Variants in LRRC69 observed in about 807,000 individuals in gnomAD.
LRRC69 encodes leucine-rich repeat-containing protein 69.
In LRRC69, 42 loss-of-function variants were observed where a neutral mutation model predicts 37.8. The observed-to-expected ratio is 1.11, with a 90% CI of 0.87 to 1.44. The LOEUF is 1.44. Ranked by LOEUF, LRRC69 falls within the 40% of genes most tolerant of loss-of-function variation. The probability of loss-of-function intolerance (pLI) is 0.00; values close to 1 mark genes in which losing one functional copy is unlikely to be tolerated. For synonymous variants in LRRC69, 141 were observed against 143.1 expected, an observed-to-expected ratio of 0.99 and a Z score of 0.11; for missense variants, 357 against 401.9, an observed-to-expected ratio of 0.89 and a Z score of 0.96.
In LRRC69 at chr8:91,157,113, C is replaced by T. The variant is rs774202379; in HGVS notation, c.651+21374C>T. Among the ~76,000 whole-genome samples, 88 of 150,722 alleles carry T rather than the reference C, an allele frequency of 5.8e-4. 1 individual carries two copies. Among genetic ancestry groups the T allele is most frequent in the Admixed American group, 8.0e-4 (12 of 15,052 alleles). On this transcript the variant is annotated intron_variant, in intron 5 of 7. Transcript: ENST00000448384. ...TGGTTCTTGGGGGTCTTCTGTGGTT[C>T]CATATAAATTTTAGAATTGCTTTCT...
chr8:91,143,914 G>A (rs1420200122), intron 5 of LRRC69, among the ~76,000 whole-genome samples: 1 of 151,966 alleles, frequency 6.6e-6, no homozygotes, highest in East Asian at 1.9e-4. Flanking sequence ...CCCATTGTGT[G>A]ACCTTGGAGA....
chr8:91,210,104 G>T (rs965742945), intron 7 of LRRC69, among the ~76,000 whole-genome samples: 2 of 152,124 alleles, frequency 1.3e-5, no homozygotes, highest in African/African-American at 4.8e-5. Flanking sequence ...GAGGCTAAAA[G>T]GTAAATTTCC....
chr8:91,214,375 A>T (rs566036597), intron 7 of LRRC69, among the ~76,000 whole-genome samples: 1 of 152,268 alleles, frequency 6.6e-6, no homozygotes, highest in South Asian at 2.1e-4. Flanking sequence ...ACTGGCATGG[A>T]AAAGAAATAT....
intron 7 of LRRC69, among the ~76,000 whole-genome samples, chr8:91,205,944 G>A (rs181507340): frequency 2.0e-5 from 3 of 152,254 alleles, no homozygotes; most frequent in Admixed American, 2.0e-4. Context: ...TCAAAGTTGA[G>A]TTGGTGTTTA....
chr8:91,157,455 A>T, intron 5 of LRRC69: 1 of 1,604,618 alleles, frequency 6.2e-7, no homozygotes, highest in South Asian at 1.1e-5. Flanking sequence ...GGCCAATGAA[A>T]ATATGCAAGA....
chr8:91,209,566 T>C (rs1278741364), intron 7 of LRRC69: 1 of 152,218 alleles, frequency 6.6e-6, no homozygotes, highest in Non-Finnish European at 1.5e-5. Context: ...AGAATATTCT[T>C]TGGACGTGAG....
At chr8:91,205,884 G>A (rs1326974011) in intron 7 of LRRC69, among the ~76,000 whole-genome samples, 1 of 152,152 alleles carries the variant, frequency 6.6e-6, no homozygotes, top group Non-Finnish European at 1.5e-5. Flanking sequence ...AGTGATTTAA[G>A]TTGTTCAGTT....
intron 5 of LRRC69, among the ~76,000 whole-genome samples, chr8:91,171,225 C>T (rs544498302): frequency 2.9e-4 from 44 of 151,978 alleles, no homozygotes; most frequent in African/African-American, 8.7e-4. Context: ...TTATTGTTTC[C>T]CTTCACCCAG....
intron 5 of LRRC69, among the ~76,000 whole-genome samples, chr8:91,176,006 T>C (rs1223065746): frequency 6.6e-6 from 1 of 151,282 alleles, no homozygotes; most frequent in African/African-American, 2.4e-5. Context: ...GTATCTCTAT[T>C]ACAGAATTTA....
intron 3 of LRRC69, 85 bp downstream of exon 3, chr8:91,127,245 C>A: frequency 1.0e-6 from 1 of 994,262 alleles, no homozygotes; most frequent in Non-Finnish European, 1.5e-6. Flanking sequence ...TTATGCCTAG[C>A]ATAAGTCCCT....
At chr8:91,166,306 T>G (rs1353293486) in intron 5 of LRRC69, among the ~76,000 whole-genome samples, 2 of 151,718 alleles carry the variant, frequency 1.3e-5, no homozygotes, top group Non-Finnish European at 1.5e-5. Flanking sequence ...TCATACACAC[T>G]ATTACAGTAG....
At chr8:91,121,780 A>T (rs1813626409) in intron 1 of LRRC69, among the ~76,000 whole-genome samples, 1 of 152,126 alleles carries the variant, frequency 6.6e-6, no homozygotes. Context: ...TTAATGAGTG[A>T]ATAAATGAAT....
intron 1 of LRRC69, among the ~76,000 whole-genome samples, chr8:91,117,078 G>C (rs990038372): frequency 1.3e-5 from 2 of 151,964 alleles, no homozygotes; most frequent in Non-Finnish European, 2.9e-5. Context: ...TTTAGTAAGA[G>C]CATAGACAGA....
intron 5 of LRRC69, among the ~76,000 whole-genome samples, chr8:91,177,135 A>G (rs1809246477): frequency 6.6e-6 from 1 of 152,196 alleles, no homozygotes; most frequent in Non-Finnish European, 1.5e-5. Context: ...TGATTAGCAC[A>G]TAAAGAATGT....
chr8:91,218,965 C>T lies in LRRC69; in HGVS notation c.1009C>T (p.Arg337Cys), dbSNP rs1428675676. Residue 337 changes from arginine (R) to cysteine (C), a missense_variant, in exon 8 of 8, where the codon CGT becomes TGT. Arg to Cys is a radical substitution (Grantham distance 180). Transcript: ENST00000448384. ...TTGTTCTTACAAATGTTTTACTCAA[C>T]GTGACCCTAACCTCTTTGGAATTGC... 18 of 1,550,806 alleles carry T rather than the reference C, an allele frequency of 1.2e-5. No individual in the cohort carries two copies. The highest frequency in any genetic ancestry group is 7.3e-5 in the East Asian group (3 of 40,904).
intron 5 of LRRC69, chr8:91,158,306 A>T: frequency 2.0e-6 from 3 of 1,488,416 alleles, no homozygotes; most frequent in Non-Finnish European, 2.8e-6. Context: ...CAATCCCAGA[A>T]AGAAACTGGA....
At chr8:91,171,542 A>G (rs1396518616) in intron 5 of LRRC69, among the ~76,000 whole-genome samples, 1 of 152,006 alleles carries the variant, frequency 6.6e-6, no homozygotes. Flanking sequence ...TTCTGAGAAA[A>G]TCTTAGAATC....
intron 5 of LRRC69, among the ~76,000 whole-genome samples, chr8:91,164,017 A>G (rs975229154): frequency 6.6e-6 from 1 of 151,532 alleles, no homozygotes; most frequent in South Asian, 2.1e-4. Flanking sequence ...GGAATTTCAG[A>G]ATATTTTATT....
chr8:91,217,627 G>A (rs528154526), intron 7 of LRRC69, among the ~76,000 whole-genome samples: 1 of 152,154 alleles, frequency 6.6e-6, no homozygotes, highest in Non-Finnish European at 1.5e-5. Flanking sequence ...GAGCCAGGGA[G>A]TGAGAAAAGT....
Sources: allele counts gnomAD v4.1 joint callset (sites outside exome capture counted in the v4.1 genomes callset), GRCh38; gene constraint gnomAD v4.1.1; transcripts MANE v1.5; gene names NCBI Gene and HGNC (gene_info 2026-07-23, HGNC 2026-07-21).